Variants in ZNF888 observed in about 807,000 individuals in gnomAD.
The protein encoded by ZNF888 is CTD-2331H12.6.
A neutral mutation model predicts 7.2 loss-of-function variants in ZNF888; 5 were observed. The observed-to-expected ratio is 0.70, with a 90% confidence interval of 0.36 to 1.46. The LOEUF is 1.46. ZNF888 is among the 40% of genes most tolerant of loss of function. The pLI is 0.03. For synonymous variants in ZNF888, 240 were observed against 284.3 expected (o/e 0.84, Z 1.57); for missense variants, 716 against 858.0 (o/e 0.83, Z 2.07).
intron 1 of ZNF888, among the ~76,000 whole-genome samples, chr19:52,922,446 T>C (rs1600694686): frequency 6.6e-6 from 1 of 151,962 alleles, no homozygotes; most frequent in South Asian, 2.1e-4. Flanking sequence ...TCTCCCTCAT[T>C]CTCATGAGCC....
rs2147937264 is a variant in ZNF888, at chr19:52,918,887, T to G, written c.-127A>C. The G allele has an allele frequency of 6.6e-6, 1 of 151,112 alleles. No individual in the cohort carries two copies. The highest frequency in any genetic ancestry group is 1.5e-5 in the Non-Finnish European group (1 of 67,944). The allele number at this position is 151,112 out of a possible 1,614,324, so 9.4% of individuals were successfully genotyped here. On this transcript the variant is annotated 5_prime_UTR_variant, in exon 2 of 5. Coordinates refer to ENST00000638862, the MANE Select transcript of ZNF888 (RefSeq NM_001393938.1). The stretch of plus-strand genomic sequence containing the variant: ...TGAACCCAGGAGACAGAGGTTGCAG[T>G]GAGCCAAGATCATGACAGTGCACTC...
chr19:52,913,183 T>C (rs1157138126), intron 4 of ZNF888, among the ~76,000 whole-genome samples: 8 of 152,124 alleles, frequency 5.3e-5, no homozygotes. Context: ...ATAACTAAAC[T>C]TTTTTCATAT....
At chr19:52,916,959 C>T (rs1411787813) in intron 3 of ZNF888, among the ~76,000 whole-genome samples, 1 of 151,988 alleles carries the variant, frequency 6.6e-6, no homozygotes, top group Non-Finnish European at 1.5e-5. Context: ...GAGAATATAG[C>T]TTTATCCTCT....
chr19:52,904,923 CATTAACA>C lies in ZNF888; in HGVS notation c.*1235_*1241del, dbSNP rs1204267220. 6.6e-6 allele frequency: 1 copy of C among 152,260 alleles called. No homozygotes were observed. The highest frequency in any genetic ancestry group is 1.5e-5 in the Non-Finnish European group (1 of 68,034). 9.4% of individuals were successfully genotyped at this position (152,260 alleles called of 1,614,324 possible). A position where few individuals can be genotyped will look rare whatever the true frequency, so the allele number is the denominator to read the frequency against. On this transcript the variant is annotated 3_prime_UTR_variant, in exon 5 of 5. Coordinates refer to ENST00000638862, the MANE Select transcript of ZNF888 (RefSeq NM_001393938.1). ...ACCAAAAATTACTTGAATTTCCACA[CATTAACA>C]ATAAACAATTTTAAAAGAAAATTTA...
chr19:52,917,503 T>C, intron 3 of ZNF888: 1 of 609,966 alleles, frequency 1.6e-6, no homozygotes, highest in Non-Finnish European at 3.0e-6. Flanking sequence ...GTGACTTCCA[T>C]TGGCAGCTAC....
chr19:52,919,491 G>A lies in ZNF888; in HGVS notation c.-177-554C>T, dbSNP rs1482399667. ...GGTGCCCAGGCTGGAGTGCAGTGGC[G>A]TGATCTCCGCTCGCTACAACCTCCA... On this transcript the variant is annotated intron_variant, in intron 1 of 4. Coordinates refer to ENST00000638862, the MANE Select transcript of ZNF888 (RefSeq NM_001393938.1). Among the ~76,000 whole-genome samples, 209 of 70,144 alleles carry A rather than the reference G, an allele frequency of 3.0e-3. 82 individuals are homozygous for A. Among genetic ancestry groups the A allele is most frequent in the Admixed American group, 1.8e-3 (10 of 5,516 alleles). The allele number at this position is 70,144 out of a possible 152,430, so 46.0% of individuals were successfully genotyped here.
intron 3 of ZNF888, among the ~76,000 whole-genome samples, chr19:52,916,615 C>CATATACATATACATATATATATAT (rs374760326): frequency 3.7e-4 from 49 of 131,410 alleles, no homozygotes; most frequent in Admixed American, 1.4e-3. Flanking sequence ...TATACATATA[C>CATATACATATACATATATATATAT]ATATATATAT....
Position 52,910,229 on chromosome 19 carries a change from T to C in ZNF888, c.143-2050A>G, listed in dbSNP as rs145735503. ...GTGCATGCCTGTAATCCCAGCACTTTTGGAGGCTGAGGCAGGTGGATCATG... is the reference window on the plus strand; with the variant it reads ...GTGCATGCCTGTAATCCCAGCACTTCTGGAGGCTGAGGCAGGTGGATCATG... On this transcript the variant is annotated intron_variant, in intron 4 of 4. Transcript: ENST00000638862. Among the ~76,000 whole-genome samples the C allele has an allele frequency of 6.6e-3, 998 of 151,046 alleles. 11 individuals carry two copies. The highest frequency in any genetic ancestry group is 0.021 in the African/African-American group (862 of 41,064).
At chr19:52,917,543 T>A (rs8111659) in intron 3 of ZNF888, 136,097 of 631,368 alleles carry the variant, frequency 0.22, 16,049 homozygotes, top group Admixed American at 0.47. Flanking sequence ...AAACTGACAG[T>A]GCATCCAGAT....
chr19:52,911,368 T>G (rs2064676201), intron 4 of ZNF888, among the ~76,000 whole-genome samples: 2 of 150,130 alleles, frequency 1.3e-5, no homozygotes, highest in South Asian at 4.2e-4. Context: ...AGACGGAGTC[T>G]TGCTCTGTCG....
At chr19:52,917,795 A>C (rs2064768919) in intron 3 of ZNF888, 64 bp downstream of exon 3, 2 of 1,610,874 alleles carry the variant, frequency 1.2e-6, no homozygotes, top group Admixed American at 3.3e-5. Flanking sequence ...AAGTTTCCCA[A>C]CTCCAAGGCC....
Position 52,905,610 on chromosome 19 carries a change from C to G in ZNF888, c.*555G>C, listed in dbSNP as rs1278667495. 5.5e-6 allele frequency: 2 copies of G among 366,268 alleles called. No homozygotes were observed. The highest frequency in any genetic ancestry group is 2.1e-5 in the African/African-American group (1 of 46,940). The allele number at this position is 366,268 out of a possible 1,614,324, so 22.7% of individuals were successfully genotyped here. Reference sequence around the variant, plus strand: ...CATTACAGGTGTGAGCCACCGCACTCAGCCTAATCCTCTTAACATAAACAC... The same window carrying G: ...CATTACAGGTGTGAGCCACCGCACTGAGCCTAATCCTCTTAACATAAACAC... On this transcript the variant is annotated 3_prime_UTR_variant, in exon 5 of 5. Coordinates refer to ENST00000638862, the MANE Select transcript of ZNF888 (RefSeq NM_001393938.1).
At chr19:52,916,127 C>T (rs547838174) in intron 3 of ZNF888, among the ~76,000 whole-genome samples, 20 of 152,058 alleles carry the variant, frequency 1.3e-4, no homozygotes, top group Non-Finnish European at 2.6e-4. Flanking sequence ...GCCTGGGCAA[C>T]GGAAACTAGG....
At chr19:52,923,344 CA>C (rs2064843887) in intron 1 of ZNF888, 24 bp downstream of exon 1, 26 of 985,870 alleles carry the variant, frequency 2.6e-5, no homozygotes, top group Non-Finnish European at 2.9e-5. Context: ...GGCACAGCCT[CA>C]ATACAACACA....
At chr19:52,916,599 C>CATACATATACATATACATATACAT (rs201491425) in intron 3 of ZNF888, among the ~76,000 whole-genome samples, 7 of 93,460 alleles carry the variant, frequency 7.5e-5, no homozygotes, top group African/African-American at 2.2e-4. Flanking sequence ...GTATTATATA[C>CATACATATACATATACATATACAT]ATACATATAC....
chr19:52,920,292 G>T (rs1411623880), intron 1 of ZNF888, among the ~76,000 whole-genome samples: 1 of 63,376 alleles, frequency 1.6e-5, no homozygotes, highest in African/African-American at 5.2e-5. Context: ...GTGGTTGCCG[G>T]GTCTGTGTGG....
intron 4 of ZNF888, among the ~76,000 whole-genome samples, chr19:52,909,349 G>T (rs886600633): frequency 2.6e-5 from 4 of 151,514 alleles, no homozygotes; most frequent in African/African-American, 9.7e-5. Context: ...CTGGGTTCAA[G>T]CGAGTGTCTT....
rs1311035537 is a variant in ZNF888, at chr19:52,906,300, G to A, written c.2022C>T (p.Tyr674=). ...CKVCDKAFKC[Y]SHLAQHTRIH... is the part of the protein sequence containing the mutation. ...TTCTAGTATGTTGTGCCAGGTGTGA[G>A]TAACACTTGAAAGCCTTGTCACAAA... The change falls in exon 5 of 5, where the codon TAC becomes TAT. Residue 674 remains tyrosine, a synonymous_variant. Coordinates refer to ENST00000638862, the MANE Select transcript of ZNF888 (RefSeq NM_001393938.1). 6.2e-7 allele frequency: 1 copy of A among 1,611,536 alleles called. No homozygotes were observed. The highest frequency in any genetic ancestry group is 8.5e-7 in the Non-Finnish European group (1 of 1,178,974).
Position 52,906,921 on chromosome 19 carries a change from T to C in ZNF888, c.1401A>G (p.Lys467=), listed in dbSNP as rs893354672. The C allele has an allele frequency of 1.2e-6, 2 of 1,610,888 alleles. No homozygotes were observed. Among genetic ancestry groups the C allele is most frequent in the Admixed American group, 1.7e-5 (1 of 59,664 alleles). ...HRLHTGEKPY[K]CKECDKVFSR... is the part of the protein sequence containing the mutation. The stretch of plus-strand genomic sequence containing the variant: ...TGAAAACTTTGTCACATTCTTTACA[T>C]TTGTAAGGTTTCTCTCCAGTATGAA... The change falls in exon 5 of 5, where the codon AAA becomes AAG. Residue 467 remains lysine, a synonymous_variant. Transcript: ENST00000638862.
Sources: gnomAD v4.1 joint callset for allele counts (sites outside exome capture counted in the v4.1 genomes callset) on GRCh38, gnomAD v4.1.1 for gene constraint, MANE v1.5 for transcripts, NCBI Gene and HGNC (gene_info 2026-07-23, HGNC 2026-07-21) for gene names.